HS6ST2: variants seen among roughly 807,000 people sequenced by gnomAD.
HS6ST2 encodes the protein heparan sulfate 6-O-sulfotransferase 2.
A neutral mutation model predicts 33.0 loss-of-function variants in HS6ST2; 17 were observed. That is an observed-to-expected ratio of 0.52 (90% confidence interval 0.35 to 0.77). HS6ST2 has a LOEUF of 0.77. Among genes scored for constraint, HS6ST2 ranks in the 30% least tolerant of loss-of-function variants. The pLI, the probability that HS6ST2 is intolerant of heterozygous loss-of-function variation, is 0.01. For missense variants in HS6ST2, 519 were observed against 551.7 expected, an observed-to-expected ratio of 0.94 and a Z score of 0.59; for synonymous variants, 248 against 237.1, an observed-to-expected ratio of 1.05 and a Z score of -0.42.
intron 2 of HS6ST2, among the ~76,000 whole-genome samples, chrX:132,947,217 G>A (rs1039169666): frequency 1.8e-5 from 2 of 108,996 alleles, no homozygotes; most frequent in South Asian, 3.9e-4. Flanking sequence ...ATATATATAT[G>A]TGTGTGTGTG....
intron 2 of HS6ST2, among the ~76,000 whole-genome samples, chrX:132,898,017 G>A (rs2066391784): frequency 9.0e-6 from 1 of 110,996 alleles, no homozygotes; most frequent in Non-Finnish European, 1.9e-5. Context: ...AAGCATTACT[G>A]CCTGAGCTCC....
intron 2 of HS6ST2, among the ~76,000 whole-genome samples, chrX:132,727,237 G>C (rs1291490751): frequency 2.9e-5 from 2 of 68,123 alleles, no homozygotes; most frequent in Admixed American, 1.9e-4. Context: ...TAGCATTATT[G>C]GGGGGGGGGG....
intron 2 of HS6ST2, among the ~76,000 whole-genome samples, chrX:132,769,249 G>C (rs1837478281): frequency 1.8e-5 from 2 of 112,452 alleles, no homozygotes; most frequent in African/African-American, 6.5e-5. Flanking sequence ...CATTTTATGA[G>C]CAACAGGTAA....
At chrX:132,761,926 G>A (rs2064808387) in intron 2 of HS6ST2, among the ~76,000 whole-genome samples, 1 of 111,761 alleles carries the variant, frequency 8.9e-6, no homozygotes, top group South Asian at 3.8e-4. Context: ...TGTACAATGG[G>A]GGTAATTATA....
intron 2 of HS6ST2, 118 bp downstream of exon 2, chrX:132,956,690 G>A (rs1005294124): frequency 2.3e-6 from 2 of 883,263 alleles, no homozygotes; most frequent in African/African-American, 4.3e-5. Context: ...CTGCCCAGCC[G>A]GGGTGCAAAC....
chrX:132,883,383 C>T lies in HS6ST2; in HGVS notation c.947+73425G>A, dbSNP rs76357602. 2.3e-3 allele frequency among the ~76,000 whole-genome samples: 251 copies of T among 111,201 alleles called. No individual in the cohort carries two copies. The Middle Eastern group carries it at 0.024, about 10-fold the overall frequency. ...AGGGTGTATGTGTCCAAGAATTTAT[C>T]CATTTCTTCTAGATTTTTGGTTTAT... On this transcript the variant is annotated intron_variant, in intron 2 of 4. Coordinates refer to ENST00000370833, the MANE Select transcript of HS6ST2 (RefSeq NM_001394073.1).
chrX:132,666,525 C>T (rs931736717), intron 4 of HS6ST2, among the ~76,000 whole-genome samples: 3 of 111,389 alleles, frequency 2.7e-5, no homozygotes, highest in African/African-American at 9.8e-5. Flanking sequence ...CCTCAATTTC[C>T]TCATGTGTGC....
At chrX:132,822,796 G>A (rs1046659074) in intron 2 of HS6ST2, among the ~76,000 whole-genome samples, 4 of 112,047 alleles carry the variant, frequency 3.6e-5, no homozygotes, top group African/African-American at 1.3e-4. Flanking sequence ...ACCATTCAGG[G>A]AGGTTGTTTC....
intron 2 of HS6ST2, among the ~76,000 whole-genome samples, chrX:132,937,691 T>C (rs896183810): frequency 2.7e-5 from 3 of 111,063 alleles, no homozygotes; most frequent in Non-Finnish European, 5.7e-5. Context: ...TGTGCAAAAA[T>C]CAACTCAAGA....
intron 2 of HS6ST2, among the ~76,000 whole-genome samples, chrX:132,891,380 A>ATT (rs540174709): frequency 1.4e-4 from 14 of 99,336 alleles, no homozygotes; most frequent in Middle Eastern, 5.0e-3. Context: ...AGTTTTTTTT[A>ATT]TTTTTTTTTT....
At chrX:132,682,799 G>T (rs1447810695) in intron 3 of HS6ST2, among the ~76,000 whole-genome samples, 1 of 110,789 alleles carries the variant, frequency 9.0e-6, no homozygotes, top group Non-Finnish European at 1.9e-5. Context: ...AAAAAGTTCT[G>T]CTGTTTCTTT....
intron 2 of HS6ST2, among the ~76,000 whole-genome samples, chrX:132,787,656 G>A (rs772285935): frequency 7.6e-4 from 81 of 106,407 alleles, no homozygotes; most frequent in Middle Eastern, 4.8e-3. Context: ...TTGGGAGGCC[G>A]AGGCAGGTGG....
intron 4 of HS6ST2, chrX:132,667,527 C>G (rs1458694989): frequency 8.9e-6 from 1 of 112,050 alleles, no homozygotes; most frequent in African/African-American, 3.2e-5. Flanking sequence ...TCTATGTCAT[C>G]TTAACTCAGA....
intron 2 of HS6ST2, among the ~76,000 whole-genome samples, chrX:132,873,537 T>C (rs1214400302): frequency 8.9e-6 from 1 of 112,196 alleles, no homozygotes; most frequent in Non-Finnish European, 1.9e-5. Flanking sequence ...CATCCATTCA[T>C]ATTTATGGAA....
At chrX:132,874,380 A>G (rs1199943003) in intron 2 of HS6ST2, among the ~76,000 whole-genome samples, 1 of 111,929 alleles carries the variant, frequency 8.9e-6, no homozygotes, top group Non-Finnish European at 1.9e-5. Context: ...GATTGAGGCC[A>G]TCCTGGCCAA....
At chrX:132,651,701 G>A (rs1412698721) in intron 4 of HS6ST2, among the ~76,000 whole-genome samples, 2 of 111,805 alleles carry the variant, frequency 1.8e-5, no homozygotes, top group African/African-American at 6.5e-5. Flanking sequence ...TCCATAAAAA[G>A]GGCCTAACAG....
intron 2 of HS6ST2, among the ~76,000 whole-genome samples, chrX:132,838,966 G>GA (rs201512831): frequency 0.23 from 19,889 of 85,510 alleles, 1,928 homozygotes; most frequent in East Asian, 0.36. Flanking sequence ...TAAAAAGTCG[G>GA]AAAAAAAAAA....
chrX:132,771,260 G>A (rs1278542630), intron 2 of HS6ST2, among the ~76,000 whole-genome samples: 1 of 112,160 alleles, frequency 8.9e-6, no homozygotes, highest in Non-Finnish European at 1.9e-5. Context: ...TACACTTTGG[G>A]TTGTGACACT....
At chrX:132,638,307 A>G (rs1464123896) in intron 4 of HS6ST2, among the ~76,000 whole-genome samples, 1 of 110,703 alleles carries the variant, frequency 9.0e-6, no homozygotes, top group Non-Finnish European at 1.9e-5. Flanking sequence ...TGGACCCCTT[A>G]AGCCCTGGAG....
Sources: allele counts gnomAD v4.1 joint callset (sites outside exome capture counted in the v4.1 genomes callset), GRCh38; gene constraint gnomAD v4.1.1; transcripts MANE v1.5; gene names NCBI Gene and HGNC (gene_info 2026-07-23, HGNC 2026-07-21).